Variants in NRXN3 observed in about 807,000 individuals in gnomAD.
The protein encoded by NRXN3 is neurexin 3, also known as neurexin III.
In NRXN3, 32 loss-of-function variants were observed where a neutral mutation model predicts 137.6. The observed-to-expected ratio is 0.23, with a 90% CI of 0.18 to 0.31. The LOEUF (loss-of-function observed/expected upper bound fraction) is 0.31. Among genes scored for constraint, NRXN3 ranks in the 10% least tolerant of loss-of-function variants. The pLI, the probability that NRXN3 is intolerant of heterozygous loss-of-function variation, is 1.00. For synonymous variants in NRXN3, 798 were observed against 784.5 expected, an observed-to-expected ratio of 1.02 and a Z score of -0.29; for missense variants, 1,574 against 2,062.5, an observed-to-expected ratio of 0.76 and a Z score of 4.59.
intron 16 of NRXN3, among the ~76,000 whole-genome samples, chr14:79,662,864 T>C (rs774700742): frequency 2.0e-5 from 3 of 151,870 alleles, no homozygotes; most frequent in Non-Finnish European, 4.4e-5. Flanking sequence ...TCATGAGAAA[T>C]TGTCCCCATG....
intron 10 of NRXN3, among the ~76,000 whole-genome samples, chr14:78,915,345 C>CAAAAAAAAAAAAAAAAAAAAAAAAAAA (rs35908076): frequency 2.7e-4 from 3 of 11,190 alleles, no homozygotes; most frequent in African/African-American, 5.6e-4. Flanking sequence ...ACGTGTGAAG[C>CAAAAAAAAAAAAAAAAAAAAAAAAAAA]AAAAAAAAAA....
chr14:79,153,520 C>G lies in NRXN3; in HGVS notation c.3262+165379C>G, dbSNP rs578111015. Among the ~76,000 whole-genome samples the G allele has an allele frequency of 2.0e-5, 3 of 152,010 alleles. No individual in the cohort carries two copies. The South Asian group carries it at 6.2e-4, about 32-fold the overall frequency. On this transcript the variant is annotated intron_variant, in intron 15 of 20. Coordinates refer to ENST00000335750, the MANE Select transcript of NRXN3 (RefSeq NM_001330195.2). ...AATAAATGCTTAATATGTCAGTGAG[C>G]CCACAAGTTTCTTGTCCTGGGCCCT... is the stretch of plus-strand genomic sequence containing the variant.
chr14:79,813,888 C>T (rs541199983), intron 20 of NRXN3, among the ~76,000 whole-genome samples: 1 of 152,188 alleles, frequency 6.6e-6, no homozygotes, highest in African/African-American at 2.4e-5. Context: ...CCCCTCTCCA[C>T]AAATTTCAGA....
chr14:78,353,431 G>T (rs1391854104), intron 4 of NRXN3, among the ~76,000 whole-genome samples: 3 of 152,096 alleles, frequency 2.0e-5, no homozygotes, highest in African/African-American at 7.2e-5. Context: ...GCATTTTCTT[G>T]CTGTGTCCTC....
intron 15 of NRXN3, among the ~76,000 whole-genome samples, chr14:79,096,367 C>A (rs1232902712): frequency 6.6e-6 from 1 of 152,110 alleles, no homozygotes; most frequent in Non-Finnish European, 1.5e-5. Context: ...ACCTTGGCCT[C>A]CCAAAGTGCT....
At chr14:78,418,238 T>G (rs2093255984) in intron 4 of NRXN3, among the ~76,000 whole-genome samples, 1 of 152,202 alleles carries the variant, frequency 6.6e-6, no homozygotes, top group African/African-American at 2.4e-5. Context: ...CACATGGATT[T>G]GAGACCCAGA....
intron 20 of NRXN3, among the ~76,000 whole-genome samples, chr14:79,846,984 C>A (rs2099377546): frequency 6.6e-6 from 1 of 152,132 alleles, no homozygotes. Context: ...ATTTGCTCAA[C>A]TAATAAGATT....
At chr14:79,146,214 G>A (rs1369466068) in intron 15 of NRXN3, among the ~76,000 whole-genome samples, 1 of 152,176 alleles carries the variant, frequency 6.6e-6, no homozygotes, top group Non-Finnish European at 1.5e-5. Flanking sequence ...TTGTCTCACA[G>A]TGAATAAGCA....
chr14:78,570,480 GTTCAGCT>G (rs1434132754), intron 4 of NRXN3, among the ~76,000 whole-genome samples: 1 of 152,186 alleles, frequency 6.6e-6, no homozygotes, highest in African/African-American at 2.4e-5. Flanking sequence ...TGCTTTTCAG[GTTCAGCT>G]TAAAGCTCAG....
intron 19 of NRXN3, among the ~76,000 whole-genome samples, chr14:79,775,629 A>G (rs1469748293): frequency 6.6e-6 from 1 of 151,494 alleles, no homozygotes; most frequent in African/African-American, 2.4e-5. Flanking sequence ...GCTGGACTTC[A>G]GAGGTAGAGT....
intron 4 of NRXN3, among the ~76,000 whole-genome samples, chr14:78,442,101 GAAAA>G (rs56402426): frequency 3.8e-5 from 5 of 130,150 alleles, no homozygotes; most frequent in South Asian, 5.2e-4. Flanking sequence ...GTCTCAAAAA[GAAAA>G]AAAAAAAAAA....
chr14:78,887,525 T>A lies in NRXN3; in HGVS notation c.2276-69717T>A, dbSNP rs114798029. On this transcript the variant is annotated intron_variant, in intron 10 of 20. Transcript: ENST00000335750. ...CTGGACTCAAACATAAGTGCATGGA[T>A]GCCTGATTTTTTTCCCCCAGTATTC... Among the ~76,000 whole-genome samples, 872 of 152,150 alleles carry A rather than the reference T, an allele frequency of 5.7e-3. 6 individuals carry two copies. Among genetic ancestry groups the A allele is most frequent in the African/African-American group, 0.02 (838 of 41,534 alleles).
intron 15 of NRXN3, among the ~76,000 whole-genome samples, chr14:79,365,442 G>A (rs1055488830): frequency 5.1e-4 from 78 of 152,040 alleles, no homozygotes; most frequent in African/African-American, 1.7e-3. Context: ...TTTATTGGCC[G>A]GGCGCGGTGG....
chr14:78,628,227 C>T (rs942216965), intron 4 of NRXN3, among the ~76,000 whole-genome samples: 4 of 152,010 alleles, frequency 2.6e-5, no homozygotes, highest in African/African-American at 4.8e-5. Context: ...CACATGCCAC[C>T]GTGCCCAGAT....
intron 4 of NRXN3, among the ~76,000 whole-genome samples, chr14:78,632,921 A>G (rs1267009830): frequency 6.6e-6 from 1 of 152,056 alleles, no homozygotes; most frequent in African/African-American, 2.4e-5. Flanking sequence ...AAAATAAAAA[A>G]TCTTCTGATG....
chr14:78,524,207 T>G (rs755363346), intron 4 of NRXN3, among the ~76,000 whole-genome samples: 27 of 152,338 alleles, frequency 1.8e-4, no homozygotes, highest in Middle Eastern at 3.4e-3. Flanking sequence ...TTTTTTTGTC[T>G]TTACTGGATA....
At chr14:79,763,550 T>C (rs2099046086) in intron 19 of NRXN3, among the ~76,000 whole-genome samples, 1 of 151,622 alleles carries the variant, frequency 6.6e-6, no homozygotes, top group Admixed American at 6.6e-5. Context: ...TCTAACAAAA[T>C]GCCACAAAGT....
chr14:79,124,117 C>T (rs2055984122), intron 15 of NRXN3, among the ~76,000 whole-genome samples: 1 of 152,116 alleles, frequency 6.6e-6, no homozygotes, highest in Admixed American at 6.6e-5. Context: ...TTCTGTGTTA[C>T]TTGAAACTAG....
chr14:78,202,789 C>G (rs150607936), intron 1 of NRXN3, among the ~76,000 whole-genome samples: 1 of 152,284 alleles, frequency 6.6e-6, no homozygotes, highest in East Asian at 1.9e-4. Context: ...GGACCAATTT[C>G]CGAGTACTGT....
Sources: allele counts gnomAD v4.1 joint callset (sites outside exome capture counted in the v4.1 genomes callset), GRCh38; gene constraint gnomAD v4.1.1; transcripts MANE v1.5; gene names NCBI Gene and HGNC (gene_info 2026-07-23, HGNC 2026-07-21).